The following RALGDS variants were observed in gnomAD, a reference collection of about 807,000 sequenced individuals.
The protein encoded by RALGDS is ral guanine nucleotide exchange factor.
In RALGDS, 44 loss-of-function variants were observed where a neutral mutation model predicts 99.8. That is an observed-to-expected ratio of 0.44 (90% CI 0.35 to 0.57). The LOEUF (loss-of-function observed/expected upper bound fraction) is 0.57, where lower values mean the gene tolerates loss of function less well. Ranked by LOEUF, RALGDS falls within the 20% of genes least tolerant of loss-of-function variation. The probability of loss-of-function intolerance (pLI) is 0.01; values close to 1 mark genes in which losing one functional copy is unlikely to be tolerated. For missense variants in RALGDS, 1,022 were observed against 1,203.1 expected, an observed-to-expected ratio of 0.85 and a Z score of 2.23; for synonymous variants, 529 against 505.0, an observed-to-expected ratio of 1.05 and a Z score of -0.64.
In RALGDS at chr9:133,101,588, C is replaced by T. The variant is rs758482477; in HGVS notation, c.2386G>A (p.Val796Met). 13 of 1,612,752 alleles carry T rather than the reference C, an allele frequency of 8.1e-6. No individual in the cohort carries two copies. The highest frequency in any genetic ancestry group is 1.0e-5 in the Non-Finnish European group (12 of 1,180,040). Reference sequence around the variant, plus strand: ...ACGCGGATGATACAGCAGTCGCCCACCTGCTGGTTGTAGAGCGGCAGCGCG... The same window carrying T: ...ACGCGGATGATACAGCAGTCGCCCATCTGCTGGTTGTAGAGCGGCAGCGCG... ...SSALPLYNQQ[V>M]GDCCIIRVSL... The change falls in exon 16 of 18, where the codon GTG (valine) becomes ATG (methionine). Residue 796 changes from valine to methionine, a missense_variant. Physicochemically the swap from Val to Met is conservative, Grantham distance 21. This residue lies in a region of RALGDS where 825 missense variants were observed against 994.5 expected (regional missense o/e 0.83). Transcript: ENST00000372050.
upstream of RALGDS, among the ~76,000 whole-genome samples, chr9:133,133,690 G>A (rs960047646): frequency 6.6e-6 from 1 of 152,180 alleles, no homozygotes; most frequent in Non-Finnish European, 1.5e-5. Context: ...AGCTTACGAC[G>A]ACCCTGACCC....
At position 133,142,965 on chromosome 9, in the gene RALGDS, G is replaced by A. The variant is rs183318103; in HGVS notation, c.18+5998C>T. Among the ~76,000 whole-genome samples the A allele has an allele frequency of 2.4e-3, 359 of 152,370 alleles. 1 individual carries two copies. Among genetic ancestry groups the A allele is most frequent in the African/African-American group, 7.8e-3 (325 of 41,586 alleles). ...AAGCTGCCACTACCTAGCTGTGGGA[G>A]TTCCTTCCCCTTCCAGTGCCTCAGT... On this transcript the variant is annotated intron_variant, in intron 1 of 17. Coordinates refer to the RALGDS transcript ENST00000393160.
chr9:133,121,411 G>A (rs1435601682), upstream of RALGDS, among the ~76,000 whole-genome samples: 3 of 151,788 alleles, frequency 2.0e-5, no homozygotes, highest in African/African-American at 7.2e-5. Flanking sequence ...GGAGCCTGGA[G>A]GGGCGGGGTC....
intron 16 of RALGDS, chr9:133,101,122 C>A: frequency 8.8e-7 from 1 of 1,136,634 alleles, no homozygotes; most frequent in Non-Finnish European, 1.1e-6. Flanking sequence ...GTTGCCACAG[C>A]GGCCTCCTAA....
At chr9:133,139,924 C>T (rs933046346) in intron 1 of RALGDS, among the ~76,000 whole-genome samples, 10 of 152,230 alleles carry the variant, frequency 6.6e-5, no homozygotes, top group African/African-American at 2.4e-4. Context: ...TGTCTGGGTC[C>T]CCTGAGGCCA....
intron 1 of RALGDS, among the ~76,000 whole-genome samples, chr9:133,113,206 G>T (rs964086222): frequency 6.6e-6 from 1 of 152,160 alleles, no homozygotes; most frequent in Non-Finnish European, 1.5e-5. Context: ...CTGGCCCAGG[G>T]TCATTAACCG....
At chr9:133,132,555 GAGA>G (rs1290301390), upstream of RALGDS, among the ~76,000 whole-genome samples, 1 of 152,206 alleles carries the variant, frequency 6.6e-6, no homozygotes, top group Admixed American at 6.5e-5. Context: ...CTCAGTGGCC[GAGA>G]AGGTGTTTCC....
intron 16 of RALGDS, chr9:133,101,015 C>A: frequency 9.5e-7 from 1 of 1,057,272 alleles, no homozygotes. Context: ...AAGAAAGAGC[C>A]CCCAGGCAAA....
intron 1 of RALGDS, 40 bp downstream of exon 1, chr9:133,120,932 C>G (rs1337303599): frequency 2.0e-6 from 3 of 1,465,180 alleles, no homozygotes; most frequent in African/African-American, 2.9e-5. Flanking sequence ...GGTGGGGAGG[C>G]TCCGACGCAC....
upstream of RALGDS, among the ~76,000 whole-genome samples, chr9:133,126,057 C>G (rs942417025): frequency 6.6e-6 from 1 of 152,190 alleles, no homozygotes; most frequent in African/African-American, 2.4e-5. Flanking sequence ...AATGACAACC[C>G]TGTGCTTGGC....
In RALGDS at chr9:133,105,908, C is replaced by A. The variant is rs73662450; in HGVS notation, c.1602+24G>T. On this transcript the variant is annotated intron_variant, in intron 9 of 17. Transcript: ENST00000372050. Reference sequence around the variant, plus strand: ...CCGCCCCAGCCCCCGCCCCAGCCCCCGCCCCAGCCTGCCGCCACTCCACCT... The same window carrying A: ...CCGCCCCAGCCCCCGCCCCAGCCCCAGCCCCAGCCTGCCGCCACTCCACCT... 2,949 of 1,016,230 alleles carry A rather than the reference C, an allele frequency of 2.9e-3. 214 individuals carry two copies. The African/African-American group carries it at 0.06, about 21-fold the overall frequency. The allele number at this position is 1,016,230 out of a possible 1,614,324, so 63.0% of individuals were successfully genotyped here. A position where few individuals can be genotyped will look rare whatever the true frequency, so the allele number is the denominator to read the frequency against.
chr9:133,143,779 A>G (rs1272064786), intron 1 of RALGDS, among the ~76,000 whole-genome samples: 1 of 105,602 alleles, frequency 9.5e-6, no homozygotes, highest in East Asian at 2.3e-4. Context: ...AATAACAACA[A>G]CAACAACAAT....
chr9:133,104,467 G>T (rs191031393), intron 9 of RALGDS, 136 bp from the exon 10 acceptor site: 7 of 799,816 alleles, frequency 8.8e-6, no homozygotes, highest in Admixed American at 6.3e-5. Context: ...GTCCTGGGCC[G>T]GTGGCCTGGC....
intron 1 of RALGDS, among the ~76,000 whole-genome samples, chr9:133,140,476 T>C (rs1832500776): frequency 6.6e-6 from 1 of 151,930 alleles, no homozygotes; most frequent in Admixed American, 6.6e-5. Flanking sequence ...ACCTCTCGGG[T>C]GGTGTCCAGC....
intron 11 of RALGDS, 106 bp from the exon 12 acceptor site, chr9:133,103,368 G>T (rs545517060): frequency 1.4e-6 from 2 of 1,390,574 alleles, no homozygotes; most frequent in East Asian, 2.3e-5. Context: ...GGCAGGGCAC[G>T]CACACCCCTG....
chr9:133,127,772 A>C (rs1832208713), intron 1 of RALGDS, among the ~76,000 whole-genome samples: 1 of 152,214 alleles, frequency 6.6e-6, no homozygotes. Flanking sequence ...GGCTGAACTC[A>C]GAGCTGGCCA....
chr9:133,100,052 A>G (rs1345279817), intron 17 of RALGDS: 1 of 621,200 alleles, frequency 1.6e-6, no homozygotes, highest in Non-Finnish European at 2.9e-6. Context: ...TGAGCTTTGA[A>G]CTGCCTGTTC....
Position 133,121,178 on chromosome 9 carries a change from G to C in RALGDS, c.-24C>G, listed in dbSNP as rs1476742318. The C allele has an allele frequency of 1.9e-6, 2 of 1,053,354 alleles. No individual in the cohort carries two copies. The highest frequency in any genetic ancestry group is 2.3e-6 in the Non-Finnish European group (2 of 875,238). 65.3% of individuals were successfully genotyped at this position (1,053,354 alleles called of 1,614,324 possible). A position where few individuals can be genotyped will look rare whatever the true frequency, so the allele number is the denominator to read the frequency against. The stretch of plus-strand genomic sequence containing the variant: ...ATGGAAGGCTCGCAGCGCGGGCGCG[G>C]GGCCGGCCCGGCGCGCGGCGGGGGC... On this transcript the variant is annotated 5_prime_UTR_variant, in exon 1 of 18. Coordinates refer to ENST00000372050, the MANE Select transcript of RALGDS (RefSeq NM_006266.4).
rs775507195 is a variant in RALGDS at position 133,100,390 on chromosome 9, G to A, written c.2455-8C>T. On this transcript the variant is annotated splice_polypyrimidine_tract_variant and splice_region_variant and intron_variant, in intron 16 of 17. Transcript: ENST00000372050. ...CTTATCTTGGCTGGTCACCTGCATC[G>A]CGGCGGGGGATGGACCATCAGGGAA... is the stretch of plus-strand genomic sequence containing the variant. 27 of 1,613,850 alleles carry A rather than the reference G, an allele frequency of 1.7e-5. 1 individual carries two copies. The highest frequency in any genetic ancestry group is 1.2e-4 in the South Asian group (11 of 91,082).
Sources: gnomAD v4.1 joint callset for allele counts (sites outside exome capture counted in the v4.1 genomes callset) on GRCh38, gnomAD v4.1.1 for gene constraint, gnomAD v4.1.1 regional missense constraint, MANE v1.5 for transcripts, NCBI Gene and HGNC (gene_info 2026-07-23, HGNC 2026-07-21) for gene names.